Variants in DSCAM observed in about 807,000 individuals in gnomAD.
The protein encoded by DSCAM is DS cell adhesion molecule, also known as cell adhesion molecule DSCAM.
In DSCAM, 47 loss-of-function variants were observed where a neutral mutation model predicts 217.7. That is an observed-to-expected ratio of 0.22 (90% CI 0.17 to 0.28). DSCAM has a LOEUF of 0.28. Among genes scored for constraint, DSCAM ranks in the 10% least tolerant of loss-of-function variants. The pLI, the probability that DSCAM is intolerant of heterozygous loss-of-function variation, is 1.00. For missense variants in DSCAM, 2,080 were observed against 2,618.3 expected (o/e 0.79, Z 4.49); for synonymous variants, 1,056 against 1,015.3 (o/e 1.04, Z -0.76).
At chr21:40,571,395 T>C (rs1160854248) in intron 3 of DSCAM, among the ~76,000 whole-genome samples, 1 of 152,158 alleles carries the variant, frequency 6.6e-6, no homozygotes, top group Non-Finnish European at 1.5e-5. Context: ...TATGAATGCT[T>C]CAAAAAATCA....
At chr21:40,463,053 A>G (rs1218036536) in intron 3 of DSCAM, among the ~76,000 whole-genome samples, 3 of 152,184 alleles carry the variant, frequency 2.0e-5, no homozygotes, top group Admixed American at 2.0e-4. Context: ...AAGGAGTGCT[A>G]GGTTGAACCA....
chr21:40,510,049 A>G (rs998661733), intron 3 of DSCAM, among the ~76,000 whole-genome samples: 6 of 152,136 alleles, frequency 3.9e-5, no homozygotes, highest in Non-Finnish European at 5.9e-5. Context: ...ACTTGAACCC[A>G]GGAGGCACAG....
chr21:40,567,170 T>G lies in DSCAM; in HGVS notation c.508+125640A>C, dbSNP rs181344598. Among the ~76,000 whole-genome samples the G allele has an allele frequency of 4.5e-3, 687 of 152,222 alleles. 23 individuals are homozygous for G. The highest frequency in any genetic ancestry group is 0.04 in the Admixed American group (607 of 15,290). On this transcript the variant is annotated intron_variant, in intron 3 of 32. Transcript: ENST00000400454. ...TTTTTCCTTCTGATTTTAAAAGAAA[T>G]TAAAACAATTGTCATGGGCTCCAAA...
At chr21:40,321,281 T>C (rs1037408052) in intron 8 of DSCAM, among the ~76,000 whole-genome samples, 3 of 152,214 alleles carry the variant, frequency 2.0e-5, no homozygotes, top group East Asian at 1.9e-4. Flanking sequence ...TCAAGATTCA[T>C]GCCTGCTTGT....
chr21:40,573,059 C>T (rs2076820621), intron 3 of DSCAM, among the ~76,000 whole-genome samples: 1 of 152,116 alleles, frequency 6.6e-6, no homozygotes, highest in Admixed American at 6.5e-5. Context: ...AGTATGATAG[C>T]TGAAAACAAT....
intron 1 of DSCAM, among the ~76,000 whole-genome samples, chr21:40,740,533 T>C (rs1366712763): frequency 6.6e-6 from 1 of 152,246 alleles, no homozygotes; most frequent in East Asian, 1.9e-4. Context: ...TACATTTGAG[T>C]GCAAATTACT....
chr21:40,017,491 G>A (rs901337286), intron 32 of DSCAM, among the ~76,000 whole-genome samples: 3 of 152,164 alleles, frequency 2.0e-5, no homozygotes, highest in Admixed American at 6.5e-5. Context: ...CTAATTCAAC[G>A]TTGGCTTCCT....
intron 3 of DSCAM, among the ~76,000 whole-genome samples, chr21:40,398,637 C>CTTTTTTTTTTTT (rs538905441): frequency 4.5e-5 from 6 of 132,088 alleles, no homozygotes; most frequent in African/African-American, 5.5e-5. Context: ...TTTTTTCTTT[C>CTTTTTTTTTTTT]TTTTTTTTTT....
chr21:40,786,790 T>C lies in DSCAM; in HGVS notation c.43+59829A>G, dbSNP rs551616798. Among the ~76,000 whole-genome samples, 23 of 152,312 alleles carry C rather than the reference T, an allele frequency of 1.5e-4. No homozygotes were observed. In the South Asian group the frequency reaches 4.1e-3, roughly 27 times the overall value. ...TGGTCGTAATCACTAATATTTATAGTTTAGTTACTATAGGCTACCACTAAA... is the reference window on the plus strand; with the variant it reads ...TGGTCGTAATCACTAATATTTATAGCTTAGTTACTATAGGCTACCACTAAA... On this transcript the variant is annotated intron_variant, in intron 1 of 32. Coordinates refer to ENST00000400454, the MANE Select transcript of DSCAM (RefSeq NM_001389.5).
At chr21:40,411,237 A>G (rs1460716388) in intron 3 of DSCAM, among the ~76,000 whole-genome samples, 4 of 151,438 alleles carry the variant, frequency 2.6e-5, no homozygotes, top group African/African-American at 9.7e-5. Context: ...ATTGTAGGGG[A>G]AAACAAACAA....
chr21:40,331,808 C>G (rs2074380527), intron 8 of DSCAM, among the ~76,000 whole-genome samples: 1 of 152,222 alleles, frequency 6.6e-6, no homozygotes, highest in Admixed American at 6.5e-5. Context: ...CAAACATTCA[C>G]TTTTAAAAAT....
chr21:40,730,949 AC>A (rs2091005278), intron 1 of DSCAM, among the ~76,000 whole-genome samples: 1 of 152,220 alleles, frequency 6.6e-6, no homozygotes. Context: ...CCAAGTCACT[AC>A]CTAAAGACCT....
chr21:40,447,154 G>A (rs2075681705), intron 3 of DSCAM, among the ~76,000 whole-genome samples: 1 of 152,192 alleles, frequency 6.6e-6, no homozygotes, highest in African/African-American at 2.4e-5. Flanking sequence ...TCCTCAGGGT[G>A]GAGGATTTAC....
At chr21:40,621,401 C>G (rs1356621803) in intron 3 of DSCAM, 1 of 152,094 alleles carries the variant, frequency 6.6e-6, no homozygotes, top group Non-Finnish European at 1.5e-5. Flanking sequence ...AGATTTCATT[C>G]TGAGGCAAAC....
At chr21:40,215,999 G>C (rs923962447) in intron 11 of DSCAM, among the ~76,000 whole-genome samples, 1 of 150,894 alleles carries the variant, frequency 6.6e-6, no homozygotes, top group Non-Finnish European at 1.5e-5. Flanking sequence ...GAAGGACCCA[G>C]TTATAAACAT....
chr21:40,038,914 A>G (rs1601255877), intron 32 of DSCAM, among the ~76,000 whole-genome samples: 3 of 150,722 alleles, frequency 2.0e-5, no homozygotes, highest in African/African-American at 7.3e-5. Context: ...AACTATCGCA[A>G]GAACAAAAAA....
At chr21:40,195,471 G>A (rs551686413) in intron 11 of DSCAM, among the ~76,000 whole-genome samples, 163 of 152,276 alleles carry the variant, frequency 1.1e-3, no homozygotes, top group African/African-American at 3.7e-3. Context: ...AAGAAAGGGT[G>A]TCAAATGCCC....
chr21:40,637,793 C>T (rs2089826587), intron 3 of DSCAM, among the ~76,000 whole-genome samples: 2 of 149,956 alleles, frequency 1.3e-5, no homozygotes, highest in Non-Finnish European at 2.9e-5. Flanking sequence ...CTGTCTCAGC[C>T]TCTCAAGTAG....
At chr21:40,501,200 C>T (rs1228352904) in intron 3 of DSCAM, among the ~76,000 whole-genome samples, 4 of 152,250 alleles carry the variant, frequency 2.6e-5, no homozygotes, top group South Asian at 2.1e-4. Context: ...TATACTCACA[C>T]TAAATATTAT....
Sources: gnomAD v4.1 joint callset for allele counts (sites outside exome capture counted in the v4.1 genomes callset) on GRCh38, gnomAD v4.1.1 for gene constraint, MANE v1.5 for transcripts, NCBI Gene and HGNC (gene_info 2026-07-23, HGNC 2026-07-21) for gene names.